Variants in GPC5 observed in about 807,000 individuals in gnomAD.
GPC5 encodes the protein glypican-5.
A neutral mutation model predicts 53.9 loss-of-function variants in GPC5; 47 were observed. That is an observed-to-expected ratio of 0.87 (90% CI 0.69 to 1.11). The LOEUF is 1.11. GPC5 is among the 50% of genes most tolerant of loss of function. The probability of loss-of-function intolerance (pLI) is 0.00; values close to 1 mark genes in which losing one functional copy is unlikely to be tolerated. For missense variants in GPC5, 748 were observed against 713.1 expected, an observed-to-expected ratio of 1.05 and a Z score of -0.56; for synonymous variants, 286 against 263.3, an observed-to-expected ratio of 1.09 and a Z score of -0.84.
At chr13:92,494,041 A>G (rs544078223) in intron 7 of GPC5, among the ~76,000 whole-genome samples, 1 of 127,968 alleles carries the variant, frequency 7.8e-6, no homozygotes, top group South Asian at 2.9e-4. Flanking sequence ...GGACATTAAA[A>G]GAATTACTTT....
At position 92,259,492 on chromosome 13, in the gene GPC5, A is replaced by C. The variant is rs16947178; in HGVS notation, c.1561+114503A>C. Among the ~76,000 whole-genome samples the C allele has an allele frequency of 2.0e-5, 3 of 152,104 alleles. No individual in the cohort carries two copies. The South Asian group carries it at 6.2e-4, about 32-fold the overall frequency. On this transcript the variant is annotated intron_variant, in intron 7 of 7. Coordinates refer to ENST00000377067, the MANE Select transcript of GPC5 (RefSeq NM_004466.6). ...ATTTCCTACTCACTCTTGGATAATA[A>C]AATTCCTTCAGTTGAGTCAAGAGGA...
intron 2 of GPC5, among the ~76,000 whole-genome samples, chr13:91,648,550 T>C (rs1444985407): frequency 6.6e-6 from 1 of 152,148 alleles, no homozygotes; most frequent in African/African-American, 2.4e-5. Flanking sequence ...TATTTTATTT[T>C]ATAACATATT....
intron 7 of GPC5, among the ~76,000 whole-genome samples, chr13:92,581,660 G>T (rs1883374484): frequency 6.6e-6 from 1 of 151,962 alleles, no homozygotes; most frequent in Admixed American, 6.6e-5. Context: ...CATAATGATT[G>T]TACCACTCTA....
chr13:91,704,911 G>A (rs1399058851), intron 3 of GPC5, among the ~76,000 whole-genome samples: 1 of 152,102 alleles, frequency 6.6e-6, no homozygotes, highest in Non-Finnish European at 1.5e-5. Flanking sequence ...TACAACATTG[G>A]CCACTGATCC....
chr13:92,104,318 C>T (rs2041490627), intron 6 of GPC5, among the ~76,000 whole-genome samples: 1 of 152,160 alleles, frequency 6.6e-6, no homozygotes. Flanking sequence ...CTACAGTCAG[C>T]ATTCTTTCTT....
intron 7 of GPC5, among the ~76,000 whole-genome samples, chr13:92,836,964 A>T (rs1022118745): frequency 3.3e-5 from 5 of 152,046 alleles, no homozygotes; most frequent in South Asian, 4.2e-4. Context: ...ATATAGAGAA[A>T]TTTTTTTCTA....
At chr13:92,155,840 T>C (rs1210769809) in intron 7 of GPC5, among the ~76,000 whole-genome samples, 1 of 152,184 alleles carries the variant, frequency 6.6e-6, no homozygotes, top group Non-Finnish European at 1.5e-5. Flanking sequence ...GCTTACTGCC[T>C]TTTAGCTCGC....
intron 7 of GPC5, among the ~76,000 whole-genome samples, chr13:92,741,390 T>C (rs1017824996): frequency 2.6e-5 from 4 of 151,930 alleles, no homozygotes; most frequent in African/African-American, 4.8e-5. Context: ...CCTGGGACTC[T>C]GCAGAGAGTC....
At chr13:91,493,622 A>G (rs1884061578) in intron 2 of GPC5, among the ~76,000 whole-genome samples, 1 of 151,942 alleles carries the variant, frequency 6.6e-6, no homozygotes, top group Admixed American at 6.6e-5. Context: ...GAAATAAAAA[A>G]CCAACTCGCA....
chr13:92,628,927 G>A (rs1197693958), intron 7 of GPC5, among the ~76,000 whole-genome samples: 4 of 152,094 alleles, frequency 2.6e-5, no homozygotes, highest in Admixed American at 2.0e-4. Flanking sequence ...TTTCAGTCAC[G>A]TTACACCAAT....
intron 7 of GPC5, among the ~76,000 whole-genome samples, chr13:92,323,128 A>T (rs1236219496): frequency 2.0e-5 from 3 of 151,556 alleles, no homozygotes; most frequent in Non-Finnish European, 4.4e-5. Flanking sequence ...ATGAAAAAAA[A>T]TAAGTCTATG....
chr13:92,028,249 C>T (rs2040815582), intron 6 of GPC5, among the ~76,000 whole-genome samples: 1 of 152,020 alleles, frequency 6.6e-6, no homozygotes, highest in Non-Finnish European at 1.5e-5. Flanking sequence ...CTCATTAAAT[C>T]AGTAACACTA....
At chr13:92,069,408 ATGTGTG>A (rs67467167) in intron 6 of GPC5, among the ~76,000 whole-genome samples, 19,303 of 142,978 alleles carry the variant, frequency 0.14, 1,332 homozygotes, top group East Asian at 0.2. Context: ...GTGTGCGTGC[ATGTGTG>A]TGTGTGTGTG....
chr13:92,743,098 G>GTT (rs201717388), intron 7 of GPC5, among the ~76,000 whole-genome samples: 19 of 149,510 alleles, frequency 1.3e-4, no homozygotes, highest in Non-Finnish European at 1.9e-4. Context: ...CTTTAAAGTA[G>GTT]TTTTTTTTTT....
chr13:92,329,710 G>T (rs2043275669), intron 7 of GPC5, among the ~76,000 whole-genome samples: 1 of 152,082 alleles, frequency 6.6e-6, no homozygotes, highest in African/African-American at 2.4e-5. Flanking sequence ...AATTTGAGGA[G>T]TTTATTTAAA....
At chr13:91,633,108 G>A (rs768024810) in intron 2 of GPC5, among the ~76,000 whole-genome samples, 31 of 152,096 alleles carry the variant, frequency 2.0e-4, no homozygotes, top group Non-Finnish European at 4.0e-4. Flanking sequence ...ATTTGCTGTC[G>A]TTCTGTATTT....
chr13:92,151,478 A>G (rs2041907074), intron 7 of GPC5, among the ~76,000 whole-genome samples: 1 of 152,162 alleles, frequency 6.6e-6, no homozygotes, highest in Non-Finnish European at 1.5e-5. Context: ...ACCGTATATT[A>G]GCATTATAAG....
At chr13:91,663,807 C>T (rs1002994431) in intron 2 of GPC5, among the ~76,000 whole-genome samples, 1 of 151,988 alleles carries the variant, frequency 6.6e-6, no homozygotes, top group Non-Finnish European at 1.5e-5. Context: ...TTTGTTGATG[C>T]CAAGTTATAG....
intron 7 of GPC5, among the ~76,000 whole-genome samples, chr13:92,468,136 A>G (rs1839337256): frequency 6.6e-6 from 1 of 152,140 alleles, no homozygotes; most frequent in African/African-American, 2.4e-5. Context: ...AAAATAGTAC[A>G]AAACATGGGG....
Sources: allele counts gnomAD v4.1 joint callset (sites outside exome capture counted in the v4.1 genomes callset), GRCh38; gene constraint gnomAD v4.1.1; transcripts MANE v1.5; gene names NCBI Gene and HGNC (gene_info 2026-07-23, HGNC 2026-07-21).